The following RBFOX1 variants were observed in gnomAD, a reference collection of about 807,000 sequenced individuals.
The protein encoded by RBFOX1 is RNA binding fox-1 homolog 1.
Under a neutral mutation model 57.7 loss-of-function variants are expected in RBFOX1, and 8 were observed. The ratio of observed to expected loss-of-function variants is 0.14; its 90% CI spans 0.08 to 0.25. The LOEUF (loss-of-function observed/expected upper bound fraction) is 0.25, where lower values mean the gene tolerates loss of function less well. RBFOX1 is among the 10% of genes least tolerant of loss of function. RBFOX1 has a pLI of 1.00. For missense variants in RBFOX1, 611 were observed against 548.5 expected (o/e 1.11, Z -1.14); for synonymous variants, 326 against 222.4 (o/e 1.47, Z -4.15).
chr16:5,790,221 A>G (rs551329106), intron 3 of RBFOX1, among the ~76,000 whole-genome samples: 128 of 152,358 alleles, frequency 8.4e-4, no homozygotes, highest in African/African-American at 2.8e-3. Flanking sequence ...TCATCCACCA[A>G]AGGTCAGTTC....
intron 4 of RBFOX1, among the ~76,000 whole-genome samples, chr16:7,503,831 A>T (rs541101038): frequency 6.6e-6 from 1 of 152,108 alleles, no homozygotes; most frequent in Non-Finnish European, 1.5e-5. Context: ...CTGTCCATAC[A>T]AGTATATCTG....
chr16:7,386,650 C>A (rs1293430552), intron 4 of RBFOX1, among the ~76,000 whole-genome samples: 1 of 151,918 alleles, frequency 6.6e-6, no homozygotes, highest in Non-Finnish European at 1.5e-5. Context: ...GGGTTGGTTC[C>A]AAGTCTTTTT....
rs192478956 is a variant in RBFOX1, at chr16:7,421,530, A to T, written c.28-96617A>T. On this transcript the variant is annotated intron_variant, in intron 4 of 15. Transcript: ENST00000550418. ...CACAGCCAGGTTTTCTAAGGCAGGA[A>T]TCTGAGGTCTGATGATATTACTGCT... Among the ~76,000 whole-genome samples the T allele has an allele frequency of 4.3e-3, 661 of 152,286 alleles. 11 individuals carry two copies. Among genetic ancestry groups the T allele is most frequent in the Non-Finnish European group, 3.5e-3 (237 of 68,024 alleles).
chr16:5,940,072 T>C (rs1175375718), intron 4 of RBFOX1, among the ~76,000 whole-genome samples: 1 of 152,178 alleles, frequency 6.6e-6, no homozygotes, highest in Non-Finnish European at 1.5e-5. Context: ...AATTTAAATT[T>C]CTTTATTTTT....
intron 3 of RBFOX1, among the ~76,000 whole-genome samples, chr16:6,721,342 C>T (rs1010430510): frequency 6.6e-6 from 1 of 152,120 alleles, no homozygotes; most frequent in African/African-American, 2.4e-5. Context: ...ACTTGGGAGG[C>T]CAAGGCAAGG....
chr16:7,498,914 A>G (rs114478747), intron 4 of RBFOX1, among the ~76,000 whole-genome samples: 129 of 152,320 alleles, frequency 8.5e-4, no homozygotes, highest in African/African-American at 3.0e-3. Flanking sequence ...TATAAGCAAC[A>G]GATTAAGAGG....
At chr16:5,638,057 A>C (rs529110162) in intron 3 of RBFOX1, among the ~76,000 whole-genome samples, 1 of 152,378 alleles carries the variant, frequency 6.6e-6, no homozygotes, top group East Asian at 1.9e-4. Flanking sequence ...TTCCTTTTCT[A>C]AATGACTGAA....
At chr16:6,880,296 G>GGGTAGAC (rs1284962266) in intron 3 of RBFOX1, among the ~76,000 whole-genome samples, 2 of 152,146 alleles carry the variant, frequency 1.3e-5, no homozygotes, top group African/African-American at 4.8e-5. Context: ...AAGGTTGGCT[G>GGGTAGAC]GGTAGACGAG....
chr16:7,590,725 G>C (rs570933636), intron 7 of RBFOX1, among the ~76,000 whole-genome samples: 1 of 152,082 alleles, frequency 6.6e-6, no homozygotes, highest in East Asian at 1.9e-4. Flanking sequence ...AGGGTGTGGT[G>C]GTGCATGCCT....
At chr16:7,301,043 C>G (rs547046939) in intron 4 of RBFOX1, among the ~76,000 whole-genome samples, 311 of 75,322 alleles carry the variant, frequency 4.1e-3, no homozygotes, top group African/African-American at 9.8e-3. Context: ...CATGCCAGAG[C>G]TAGTGGCCTT....
At chr16:7,025,460 G>C (rs969695968) in intron 3 of RBFOX1, among the ~76,000 whole-genome samples, 4 of 152,250 alleles carry the variant, frequency 2.6e-5, no homozygotes, top group African/African-American at 9.6e-5. Flanking sequence ...CTAACCTTCT[G>C]GGAATGCATC....
chr16:5,369,212 G>A (rs1039035683), intron 1 of RBFOX1, among the ~76,000 whole-genome samples: 3 of 152,182 alleles, frequency 2.0e-5, no homozygotes, highest in Non-Finnish European at 4.4e-5. Context: ...ATGTTGGCCA[G>A]GATGGTCTTG....
chr16:6,775,342 A>AAG (rs1266213928), intron 3 of RBFOX1, among the ~76,000 whole-genome samples: 19 of 150,836 alleles, frequency 1.3e-4, no homozygotes, highest in Admixed American at 6.6e-4. Flanking sequence ...AAAAAAAAAA[A>AAG]AAAAAAAAAA....
At chr16:7,558,861 T>G (rs2089553889) in intron 5 of RBFOX1, among the ~76,000 whole-genome samples, 1 of 152,242 alleles carries the variant, frequency 6.6e-6, no homozygotes, top group Non-Finnish European at 1.5e-5. Flanking sequence ...TATAATGTGG[T>G]AAGCATCTGA....
In RBFOX1 at chr16:5,856,276, CAT is replaced by C. The variant is rs1288302885; in HGVS notation, c.319-11019_319-11018del. On this transcript the variant is annotated intron_variant, in intron 3 of 19. Coordinates refer to the RBFOX1 transcript ENST00000641259. ...GTATATATATGTATATATATATACA[CAT>C]ATATATACACACACACACACACACA... is the stretch of plus-strand genomic sequence containing the variant. 6.0e-3 allele frequency among the ~76,000 whole-genome samples: 166 copies of C among 27,672 alleles called. 10 individuals carry two copies. In the South Asian group the frequency reaches 0.093, roughly 16 times the overall value. 18.2% of individuals were successfully genotyped at this position (27,672 alleles called of 152,430 possible).
rs189285141 is a variant in RBFOX1, at chr16:5,877,554, G to A, written c.351+10219G>A. 6.6e-5 allele frequency among the ~76,000 whole-genome samples: 10 copies of A among 152,310 alleles called. No individual in the cohort carries two copies. In the East Asian group the frequency reaches 7.7e-4, roughly 12 times the overall value. ...CGAGCCCCACAACTGGGGCTTAGCC[G>A]AAGAGGGTTCTTGGCTTTGCCCAGG... On this transcript the variant is annotated intron_variant, in intron 4 of 19. Coordinates refer to the RBFOX1 transcript ENST00000641259.
intron 1 of RBFOX1, among the ~76,000 whole-genome samples, chr16:6,211,664 C>G (rs1256529263): frequency 6.6e-6 from 1 of 152,108 alleles, no homozygotes; most frequent in Non-Finnish European, 1.5e-5. Flanking sequence ...CCTCTTTTCT[C>G]TCTAGGTATG....
At chr16:5,661,794 TA>T (rs1164492691) in intron 3 of RBFOX1, among the ~76,000 whole-genome samples, 18 of 152,268 alleles carry the variant, frequency 1.2e-4, no homozygotes, top group Non-Finnish European at 2.2e-4. Flanking sequence ...AGCCTTTTTT[TA>T]TTTTTTTTGA....
At chr16:6,574,745 C>G (rs1412131017) in intron 2 of RBFOX1, among the ~76,000 whole-genome samples, 5 of 144,682 alleles carry the variant, frequency 3.5e-5, no homozygotes, top group African/African-American at 5.0e-5. Flanking sequence ...CTATTAAGAA[C>G]CAGCAACCAC....
Sources: gnomAD v4.1 joint callset for allele counts (sites outside exome capture counted in the v4.1 genomes callset) on GRCh38, gnomAD v4.1.1 for gene constraint, MANE v1.5 for transcripts, NCBI Gene and HGNC (gene_info 2026-07-23, HGNC 2026-07-21) for gene names.